SEM1: variants seen among roughly 807,000 people sequenced by gnomAD.
SEM1 encodes the protein 26S proteasome complex subunit SEM1.
SEM1 carries 3 observed loss-of-function variants against 12.7 expected under a neutral mutation model. That is an observed-to-expected ratio of 0.24 (90% CI 0.11 to 0.61). SEM1 has a LOEUF of 0.61. SEM1 is among the 20% of genes least tolerant of loss of function. The pLI is 0.88. For missense variants in SEM1, 59 were observed against 81.3 expected, an observed-to-expected ratio of 0.73 and a Z score of 1.06; for synonymous variants, 30 against 27.8, an observed-to-expected ratio of 1.08 and a Z score of -0.25.
At chr7:96,568,920 C>T (rs1457535972) in intron 2 of SEM1, among the ~76,000 whole-genome samples, 1 of 151,702 alleles carries the variant, frequency 6.6e-6, no homozygotes, top group Non-Finnish European at 1.5e-5. Context: ...ACTTTTGTTT[C>T]TTGAAACTAG....
chr7:96,630,259 C>G (rs1808206870), intron 2 of SEM1, among the ~76,000 whole-genome samples: 1 of 152,240 alleles, frequency 6.6e-6, no homozygotes, highest in African/African-American at 2.4e-5. Context: ...GAAGTGCCAT[C>G]TGGGAGCTAA....
intron 2 of SEM1, among the ~76,000 whole-genome samples, chr7:96,582,233 G>C (rs1440255114): frequency 6.7e-6 from 1 of 149,808 alleles, no homozygotes; most frequent in Non-Finnish European, 1.5e-5. Flanking sequence ...AGATAATCAT[G>C]TGGTTTTTGT....
In SEM1 at chr7:96,673,650, C is replaced by T. The variant is rs1031215744; in HGVS notation, c.*110G>A. On this transcript the variant is annotated 3_prime_UTR_variant, in exon 3 of 3. Transcript: ENST00000413065. ...CACCACCCCACTCCCTCCTTACTGA[C>T]TCCATGCACATATCCACATGACTAG... The T allele has an allele frequency of 4.4e-6, 3 of 681,686 alleles. No homozygotes were observed. In the East Asian group the frequency reaches 7.9e-5, roughly 18 times the overall value. The allele number at this position is 681,686 out of a possible 1,614,324, so 42.2% of individuals were successfully genotyped here. A position where few individuals can be genotyped will look rare whatever the true frequency, so the allele number is the denominator to read the frequency against.
chr7:96,706,570 CAAAAAA>C lies in SEM1; in HGVS notation c.76+3112_76+3117del, dbSNP rs67892273. Reference sequence around the variant, plus strand: ...AGAGTGAAACTCCATCTCAAACAAACAAAAAAAAAAAAAAAAAAAAAAAAAGAGAGA... The same window carrying C: ...AGAGTGAAACTCCATCTCAAACAAACAAAAAAAAAAAAAAAAAAAGAGAGA... On this transcript the variant is annotated intron_variant, in intron 1 of 2. Transcript: ENST00000248566. Among the ~76,000 whole-genome samples the C allele has an allele frequency of 9.1e-4, 71 of 78,072 alleles. 1 individual carries two copies. Among genetic ancestry groups the C allele is most frequent in the African/African-American group, 3.2e-3 (62 of 19,428 alleles). The allele number at this position is 78,072 out of a possible 152,430, so 51.2% of individuals were successfully genotyped here. A position where few individuals can be genotyped will look rare whatever the true frequency, so the allele number is the denominator to read the frequency against.
chr7:96,494,144 C>G (rs1258014938), intron 1 of SEM1, among the ~76,000 whole-genome samples: 3 of 152,086 alleles, frequency 2.0e-5, no homozygotes, highest in Non-Finnish European at 4.4e-5. Context: ...TGTCAAATAC[C>G]AGAATAGAAA....
chr7:96,692,987 C>T (rs141618906), intron 2 of SEM1, among the ~76,000 whole-genome samples: 2 of 151,624 alleles, frequency 1.3e-5, no homozygotes, highest in Admixed American at 6.6e-5. Flanking sequence ...GTAGAAGTAT[C>T]AGTATAACAG....
intron 2 of SEM1, among the ~76,000 whole-genome samples, chr7:96,554,509 C>G (rs1421199730): frequency 7.1e-6 from 1 of 141,160 alleles, no homozygotes; most frequent in African/African-American, 2.6e-5. Flanking sequence ...TATTGATTTG[C>G]GTATATTGAA....
At position 96,588,915 on chromosome 7, in the gene SEM1, A is replaced by AT. The variant is rs201701072; in HGVS notation, c.171-82218dup. ...TGCAGCACATGGGTATATGTAAACC[A>AT]TTTTTTTAAATTGGCTTATAGTATA... On this transcript the variant is annotated intron_variant and NMD_transcript_variant, in intron 2 of 3. Coordinates refer to the SEM1 transcript ENST00000466986. Among the ~76,000 whole-genome samples the AT allele has an allele frequency of 7.6e-4, 116 of 152,364 alleles. No individual in the cohort carries two copies. In the East Asian group the frequency reaches 0.013, roughly 17 times the overall value.
intron 2 of SEM1, among the ~76,000 whole-genome samples, chr7:96,667,491 T>G (rs1298611052): frequency 6.6e-6 from 1 of 152,218 alleles, no homozygotes; most frequent in African/African-American, 2.4e-5. Flanking sequence ...AACTTGGAAC[T>G]TTCTGTGCAG....
Position 96,660,693 on chromosome 7 carries a change from T to C in SEM1, c.170+34105A>G, listed in dbSNP as rs187833952. 1.3e-3 allele frequency among the ~76,000 whole-genome samples: 199 copies of C among 151,972 alleles called. 3 individuals carry two copies. Among genetic ancestry groups the C allele is most frequent in the Admixed American group, 0.01 (158 of 15,248 alleles). On this transcript the variant is annotated intron_variant, in intron 2 of 2. Transcript: ENST00000417009. The stretch of plus-strand genomic sequence containing the variant: ...GTTTAAATATAGTCCCAAAGAAGAG[T>C]TGAACAACACAATTCATAAGCTCAA...
At chr7:96,633,963 G>A (rs1403116877) in intron 2 of SEM1, among the ~76,000 whole-genome samples, 3 of 152,102 alleles carry the variant, frequency 2.0e-5, no homozygotes, top group Admixed American at 6.6e-5. Flanking sequence ...AAATATGGAC[G>A]AGTATTAATT....
chr7:96,670,263 C>T (rs1789281053), downstream of SEM1, among the ~76,000 whole-genome samples: 1 of 152,022 alleles, frequency 6.6e-6, no homozygotes, highest in Non-Finnish European at 1.5e-5. Flanking sequence ...TCAAATATAA[C>T]ATTTGATTTG....
intron 2 of SEM1, among the ~76,000 whole-genome samples, chr7:96,556,079 G>A (rs1490401832): frequency 6.6e-6 from 1 of 151,884 alleles, no homozygotes; most frequent in Non-Finnish European, 1.5e-5. Context: ...TGAGCCTATG[G>A]GTGTCGCTGC....
intron 2 of SEM1, among the ~76,000 whole-genome samples, chr7:96,550,503 C>T (rs1173114123): frequency 6.6e-6 from 1 of 152,128 alleles, no homozygotes; most frequent in East Asian, 1.9e-4. Flanking sequence ...CTCTTGTAGG[C>T]TGTGTTTTCT....
chr7:96,690,727 A>G (rs1020420871), intron 2 of SEM1, among the ~76,000 whole-genome samples: 2 of 152,208 alleles, frequency 1.3e-5, no homozygotes, highest in Non-Finnish European at 2.9e-5. Flanking sequence ...ACTCAGCTTT[A>G]TGACAATGGC....
At chr7:96,678,078 A>C (rs2115662644) in intron 2 of SEM1, among the ~76,000 whole-genome samples, 1 of 152,244 alleles carries the variant, frequency 6.6e-6, no homozygotes, top group South Asian at 2.1e-4. Context: ...TTGCAATGTT[A>C]TTTGTTCTCA....
chr7:96,571,268 A>G (rs1276731667), intron 2 of SEM1, among the ~76,000 whole-genome samples: 1 of 152,044 alleles, frequency 6.6e-6, no homozygotes, highest in East Asian at 1.9e-4. Context: ...TTAGTCATGA[A>G]GTCTTTGCTG....
intron 2 of SEM1, among the ~76,000 whole-genome samples, chr7:96,601,767 G>C (rs549717334): frequency 6.6e-6 from 1 of 152,222 alleles, no homozygotes; most frequent in Non-Finnish European, 1.5e-5. Context: ...AAAATAGGCT[G>C]TAGGGAAAGA....
At chr7:96,529,304 A>C (rs1035487971) in intron 2 of SEM1, among the ~76,000 whole-genome samples, 1 of 152,138 alleles carries the variant, frequency 6.6e-6, no homozygotes. Context: ...ACAAAACGCT[A>C]ATTTGAAATC....
Sources: allele counts gnomAD v4.1 joint callset (sites outside exome capture counted in the v4.1 genomes callset), GRCh38; gene constraint gnomAD v4.1.1; transcripts MANE v1.5; gene names NCBI Gene and HGNC (gene_info 2026-07-23, HGNC 2026-07-21).